MSRA: variants seen among roughly 807,000 people sequenced by gnomAD.
The protein encoded by MSRA is methionine sulfoxide reductase A.
A neutral mutation model predicts 31.3 loss-of-function variants in MSRA; 54 were observed. That is an observed-to-expected ratio of 1.73 (90% CI 1.39 to 2.17). MSRA has a LOEUF of 2.17. Among genes scored for constraint, MSRA ranks in the 30% most tolerant of loss-of-function variants. The pLI is 0.00. For missense variants in MSRA, 507 were observed against 300.9 expected, an observed-to-expected ratio of 1.69 and a Z score of -5.07; for synonymous variants, 169 against 116.5, an observed-to-expected ratio of 1.45 and a Z score of -2.90.
chr8:10,197,291 T>A (rs770262143), intron 1 of MSRA, among the ~76,000 whole-genome samples: 1 of 152,174 alleles, frequency 6.6e-6, no homozygotes, highest in Non-Finnish European at 1.5e-5. Context: ...GGTACTTAAA[T>A]GTGGCAATTA....
At chr8:10,423,402 G>C (rs1371369392) in intron 5 of MSRA, among the ~76,000 whole-genome samples, 1 of 152,124 alleles carries the variant, frequency 6.6e-6, no homozygotes. Flanking sequence ...GGGACACCTG[G>C]TGTGTGTTGA....
At chr8:10,210,984 C>T in intron 2 of MSRA, among the ~76,000 whole-genome samples, 1 of 151,962 alleles carries the variant, frequency 6.6e-6, no homozygotes, top group East Asian at 1.9e-4. Context: ...GATCCGCCCA[C>T]TTTAGCCTCC....
At chr8:10,170,931 T>C (rs1282962577) in intron 1 of MSRA, among the ~76,000 whole-genome samples, 1 of 152,244 alleles carries the variant, frequency 6.6e-6, no homozygotes, top group African/African-American at 2.4e-5. Context: ...CCTTTTCTTA[T>C]TGTGCTAGCT....
At chr8:10,206,113 C>T (rs1034627446) in intron 1 of MSRA, among the ~76,000 whole-genome samples, 3 of 152,064 alleles carry the variant, frequency 2.0e-5, no homozygotes, top group African/African-American at 4.8e-5. Context: ...TGGTTTCTGA[C>T]TTGTGATATG....
At chr8:10,402,407 C>G (rs529010241) in intron 5 of MSRA, among the ~76,000 whole-genome samples, 1 of 152,362 alleles carries the variant, frequency 6.6e-6, no homozygotes, top group South Asian at 2.1e-4. Flanking sequence ...CAGCTGCTTT[C>G]TGGCCTGGAA....
At chr8:10,330,006 A>ATTGTGTG (rs373964590) in intron 5 of MSRA, among the ~76,000 whole-genome samples, 1 of 135,378 alleles carries the variant, frequency 7.4e-6, no homozygotes, top group Non-Finnish European at 1.6e-5. Flanking sequence ...AGAGAAAAAA[A>ATTGTGTG]TGTGTGTGTG....
intron 3 of MSRA, among the ~76,000 whole-genome samples, chr8:10,300,149 T>TGTGC (rs1563325308): frequency 1.3e-5 from 2 of 150,266 alleles, no homozygotes; most frequent in Non-Finnish European, 2.9e-5. Context: ...TGTGTGTGTG[T>TGTGC]GCACGCGTGC....
intron 5 of MSRA, chr8:10,336,638 C>T (rs1036720345): frequency 6.6e-6 from 1 of 152,104 alleles, no homozygotes; most frequent in African/African-American, 2.4e-5. Context: ...TACTGAGATT[C>T]AGCTTTTTGT....
intron 1 of MSRA, among the ~76,000 whole-genome samples, chr8:10,126,879 C>T (rs1483278576): frequency 1.3e-5 from 2 of 152,214 alleles, no homozygotes; most frequent in Non-Finnish European, 2.9e-5. Context: ...ATAGGGTTCG[C>T]ACTCCTATGA....
chr8:10,065,438 T>A (rs549982566), intron 1 of MSRA, among the ~76,000 whole-genome samples: 1 of 152,338 alleles, frequency 6.6e-6, no homozygotes, highest in South Asian at 2.1e-4. Context: ...ATTATTTCAA[T>A]GTGCGGAATA....
intron 5 of MSRA, among the ~76,000 whole-genome samples, chr8:10,323,068 C>T (rs939302565): frequency 2.5e-5 from 3 of 119,402 alleles, no homozygotes; most frequent in African/African-American, 9.8e-5. Context: ...CCAGCCTGGG[C>T]AACAGAGTGA....
chr8:10,197,531 G>A (rs751809246), intron 1 of MSRA, among the ~76,000 whole-genome samples: 1 of 152,070 alleles, frequency 6.6e-6, no homozygotes, highest in Non-Finnish European at 1.5e-5. Context: ...AGAGGGCCAG[G>A]GTTGTCTTTC....
At chr8:10,260,690 A>C (rs115975696) in intron 3 of MSRA, among the ~76,000 whole-genome samples, 1 of 152,140 alleles carries the variant, frequency 6.6e-6, no homozygotes, top group Non-Finnish European at 1.5e-5. Context: ...AGCAGTTTGC[A>C]TTGGTGGGGG....
intron 5 of MSRA, among the ~76,000 whole-genome samples, chr8:10,396,594 C>G (rs1009788334): frequency 6.6e-6 from 1 of 152,192 alleles, no homozygotes; most frequent in Non-Finnish European, 1.5e-5. Context: ...GTAAGGACTT[C>G]TAGTGTGGGT....
At chr8:10,256,277 C>A (rs532178576) in intron 3 of MSRA, among the ~76,000 whole-genome samples, 1 of 152,174 alleles carries the variant, frequency 6.6e-6, no homozygotes, top group Non-Finnish European at 1.5e-5. Flanking sequence ...TAAGTTTCCA[C>A]CCTGTCTTTT....
intron 1 of MSRA, among the ~76,000 whole-genome samples, chr8:10,112,136 C>G (rs1472345371): frequency 3.9e-5 from 6 of 151,980 alleles, no homozygotes; most frequent in Non-Finnish European, 8.8e-5. Flanking sequence ...CAGCTTTTAT[C>G]CACAGTCCTG....
At chr8:10,139,866 G>A (rs1213085582) in intron 1 of MSRA, among the ~76,000 whole-genome samples, 1 of 152,210 alleles carries the variant, frequency 6.6e-6, no homozygotes, top group African/African-American at 2.4e-5. Context: ...AGTAGAGAAG[G>A]ATTGTTTTCC....
At chr8:10,166,688 T>G (rs1036954949) in intron 1 of MSRA, among the ~76,000 whole-genome samples, 15 of 152,306 alleles carry the variant, frequency 9.8e-5, no homozygotes, top group African/African-American at 3.1e-4. Flanking sequence ...TTACCCAAGC[T>G]CACTCATTCA....
chr8:10,147,849 C>T (rs549227272), intron 1 of MSRA, among the ~76,000 whole-genome samples: 60 of 152,218 alleles, frequency 3.9e-4, no homozygotes, highest in Non-Finnish European at 7.1e-4. Context: ...GCGAGTTCAC[C>T]GCCCTTCGAC....
Sources: gnomAD v4.1 joint callset for allele counts (sites outside exome capture counted in the v4.1 genomes callset) on GRCh38, gnomAD v4.1.1 for gene constraint, MANE v1.5 for transcripts, NCBI Gene and HGNC (gene_info 2026-07-23, HGNC 2026-07-21) for gene names.